ANGPT1: variants seen among roughly 807,000 people sequenced by gnomAD.
ANGPT1 encodes angiopoietin 1.
A neutral mutation model predicts 62.2 loss-of-function variants in ANGPT1; 17 were observed. The ratio of observed to expected loss-of-function variants is 0.27; its 90% CI spans 0.19 to 0.41. ANGPT1 has a LOEUF of 0.41. Among genes scored for constraint, ANGPT1 ranks in the 10% least tolerant of loss-of-function variants. The probability of loss-of-function intolerance (pLI) is 1.00; values close to 1 mark genes in which losing one functional copy is unlikely to be tolerated. For missense variants in ANGPT1, 478 were observed against 594.9 expected, an observed-to-expected ratio of 0.80 and a Z score of 2.04; for synonymous variants, 199 against 198.9, an observed-to-expected ratio of 1.00 and a Z score of 0.00.
intron 3 of ANGPT1, among the ~76,000 whole-genome samples, chr8:107,333,972 A>AGAAG (rs1554583514): frequency 2.2e-5 from 2 of 89,794 alleles, no homozygotes; most frequent in African/African-American, 4.8e-5. Flanking sequence ...AAAGAAAGAA[A>AGAAG]GGAGGGAGGG....
chr8:107,268,168 C>T (rs937760422), intron 7 of ANGPT1, among the ~76,000 whole-genome samples: 1 of 152,062 alleles, frequency 6.6e-6, no homozygotes, highest in Non-Finnish European at 1.5e-5. Context: ...TAGAGAAAGG[C>T]CTCAATGTTC....
At chr8:107,471,179 A>T (rs1812347184) in intron 1 of ANGPT1, among the ~76,000 whole-genome samples, 1 of 152,174 alleles carries the variant, frequency 6.6e-6, no homozygotes, top group South Asian at 2.1e-4. Context: ...GATAAAGAAA[A>T]TGTGGCACAT....
At chr8:107,312,909 A>G (rs933847499) in intron 4 of ANGPT1, among the ~76,000 whole-genome samples, 1 of 152,132 alleles carries the variant, frequency 6.6e-6, no homozygotes, top group Non-Finnish European at 1.5e-5. Flanking sequence ...CTGGAGAGAA[A>G]CCATCTCAAT....
intron 1 of ANGPT1, among the ~76,000 whole-genome samples, chr8:107,423,197 G>A (rs1554592675): frequency 6.6e-6 from 1 of 152,098 alleles, no homozygotes; most frequent in Non-Finnish European, 1.5e-5. Context: ...TATAAATCAA[G>A]CCTACTTTCT....
intron 1 of ANGPT1, among the ~76,000 whole-genome samples, chr8:107,375,635 C>T (rs555126097): frequency 2.1e-3 from 314 of 152,170 alleles, no homozygotes; most frequent in Non-Finnish European, 3.6e-3. Flanking sequence ...GAAGAGTGGA[C>T]GAGGGACGTT....
intron 1 of ANGPT1, among the ~76,000 whole-genome samples, chr8:107,397,802 C>A (rs1022315766): frequency 3.3e-5 from 5 of 152,108 alleles, no homozygotes; most frequent in African/African-American, 1.2e-4. Flanking sequence ...ATTATTAGCT[C>A]TCAATGGCCA....
At chr8:107,318,698 A>AT (rs56697446) in intron 4 of ANGPT1, among the ~76,000 whole-genome samples, 133 of 151,884 alleles carry the variant, frequency 8.8e-4, no homozygotes, top group African/African-American at 3.0e-3. Flanking sequence ...TTAAATTTGA[A>AT]TTTTTTAATG....
intron 7 of ANGPT1, among the ~76,000 whole-genome samples, chr8:107,272,828 T>C (rs1029146429): frequency 6.6e-6 from 1 of 151,374 alleles, no homozygotes; most frequent in Non-Finnish European, 1.5e-5. Context: ...AGTGATTATG[T>C]TTTTAGTTCA....
chr8:107,457,666 T>G (rs972100716), intron 1 of ANGPT1, among the ~76,000 whole-genome samples: 3 of 152,038 alleles, frequency 2.0e-5, no homozygotes, highest in Non-Finnish European at 4.4e-5. Flanking sequence ...ATTTTTTATA[T>G]CTCATAGTCT....
rs73309773 is a variant in ANGPT1, at chr8:107,271,014, C to A, written c.1206-6663G>T. On this transcript the variant is annotated intron_variant, in intron 7 of 8. Coordinates refer to ENST00000517746, the MANE Select transcript of ANGPT1 (RefSeq NM_001146.5). ...CAGGTAATTTGGTACAAAATAAGTA[C>A]GAATGAAAGAAATAACCCTCTATAA... Among the ~76,000 whole-genome samples the A allele has an allele frequency of 6.6e-5, 10 of 151,926 alleles. No homozygotes were observed. The East Asian group carries it at 1.6e-3, about 24-fold the overall frequency.
chr8:107,345,510 G>T (rs1815785968), intron 2 of ANGPT1, among the ~76,000 whole-genome samples: 1 of 151,948 alleles, frequency 6.6e-6, no homozygotes, highest in African/African-American at 2.4e-5. Context: ...AATTAAACAA[G>T]ACTCTGCCAT....
At position 107,471,103 on chromosome 8, in the gene ANGPT1, T is replaced by C. The variant is rs575622800; in HGVS notation, c.297+26159A>G. ...ATAAAGACACATGCCCACGTATGTT[T>C]ATTGTGGCACTGTTTGCAATAGCAA... On this transcript the variant is annotated intron_variant, in intron 1 of 8. Transcript: ENST00000517746. 2.0e-4 allele frequency among the ~76,000 whole-genome samples: 30 copies of C among 152,246 alleles called. 1 individual carries two copies. In the South Asian group the frequency reaches 6.2e-3, roughly 32 times the overall value.
At chr8:107,383,147 A>G (rs911872186) in intron 1 of ANGPT1, among the ~76,000 whole-genome samples, 6 of 152,144 alleles carry the variant, frequency 3.9e-5, no homozygotes, top group Non-Finnish European at 7.4e-5. Context: ...ACCACAGTGC[A>G]CCACCAAGAT....
chr8:107,298,392 T>A (rs996723940), intron 5 of ANGPT1, among the ~76,000 whole-genome samples: 4 of 152,014 alleles, frequency 2.6e-5, no homozygotes, highest in African/African-American at 9.6e-5. Flanking sequence ...GTTTTTTGGA[T>A]GAAACTAGGC....
intron 1 of ANGPT1, among the ~76,000 whole-genome samples, chr8:107,458,245 T>C (rs1297902540): frequency 6.6e-6 from 1 of 152,158 alleles, no homozygotes; most frequent in Non-Finnish European, 1.5e-5. Flanking sequence ...TATACAAGAG[T>C]AAACAATGAG....
chr8:107,462,078 G>A (rs750241332), intron 1 of ANGPT1, among the ~76,000 whole-genome samples: 29 of 151,968 alleles, frequency 1.9e-4, no homozygotes, highest in Non-Finnish European at 3.2e-4. Flanking sequence ...GCTATGTCTA[G>A]TTTCATTTTC....
chr8:107,391,507 C>T (rs1586283511), intron 1 of ANGPT1, among the ~76,000 whole-genome samples: 1 of 151,882 alleles, frequency 6.6e-6, no homozygotes, highest in South Asian at 2.1e-4. Context: ...TCTATACTGA[C>T]AATACAAAAA....
chr8:107,374,920 G>T (rs753975852), intron 1 of ANGPT1, among the ~76,000 whole-genome samples: 7 of 152,170 alleles, frequency 4.6e-5, no homozygotes, highest in Non-Finnish European at 1.0e-4. Context: ...TCAGCACTTT[G>T]GGAGGCCGAG....
chr8:107,471,795 CATCTTAAGGTCTGTAGA>C (rs774937098), intron 1 of ANGPT1, among the ~76,000 whole-genome samples: 13 of 152,058 alleles, frequency 8.5e-5, no homozygotes, highest in Admixed American at 1.3e-4. Context: ...TCTGATTTAT[CATCTTAAGGTCTGTAGA>C]AATCCATTGC....
Sources: gnomAD v4.1 joint callset for allele counts (sites outside exome capture counted in the v4.1 genomes callset) on GRCh38, gnomAD v4.1.1 for gene constraint, MANE v1.5 for transcripts, NCBI Gene and HGNC (gene_info 2026-07-23, HGNC 2026-07-21) for gene names.